SMARCB1: variants seen among roughly 807,000 people sequenced by gnomAD.
SMARCB1 encodes the protein SWI/SNF-related matrix-associated actin-dependent regulator of chromatin subfamily B member 1.
SMARCB1 carries 5 observed loss-of-function variants against 49.0 expected under a neutral mutation model. The ratio of observed to expected loss-of-function variants is 0.10; its 90% confidence interval spans 0.05 to 0.21. The LOEUF (loss-of-function observed/expected upper bound fraction) is 0.21, where lower values mean the gene tolerates loss of function less well. Ranked by LOEUF, SMARCB1 falls within the 10% of genes least tolerant of loss-of-function variation. The pLI is 1.00. For synonymous variants in SMARCB1, 201 were observed against 200.1 expected (o/e 1.00, Z -0.04); for missense variants, 226 against 509.2 (o/e 0.44, Z 5.35).
intron 6 of SMARCB1, among the ~76,000 whole-genome samples, chr22:23,821,009 A>G (rs964238493): frequency 6.6e-6 from 1 of 152,126 alleles, no homozygotes; most frequent in Non-Finnish European, 1.5e-5. Context: ...AATTGAGCCC[A>G]TTTTCATTGT....
Position 23,835,265 on chromosome 22 carries a change from C to T in SMARCB1, c.*1085C>T. The T allele has an allele frequency of 2.7e-6, 3 of 1,104,078 alleles. No individual in the cohort carries two copies. Among genetic ancestry groups the T allele is most frequent in the Non-Finnish European group, 3.3e-6 (3 of 906,596 alleles). The allele number at this position is 1,104,078 out of a possible 1,614,324, so 68.4% of individuals were successfully genotyped here. On this transcript the variant is annotated 3_prime_UTR_variant, in exon 9 of 9. Transcript: ENST00000644036. ...GTGTCCCCATTCTTCAGAATGGACA[C>T]AGGATCTGGGAGGGCAGCAAACTGG...
chr22:23,810,290 G>C (rs1379940763), intron 5 of SMARCB1, among the ~76,000 whole-genome samples: 1 of 151,674 alleles, frequency 6.6e-6, no homozygotes, highest in Non-Finnish European at 1.5e-5. Flanking sequence ...ACTTTGGGAG[G>C]CCAAGGCAGG....
At position 23,836,873 on chromosome 22, in the gene SMARCB1, T is replaced by G; in HGVS notation, c.*2693T>G. On this transcript the variant is annotated 3_prime_UTR_variant, in exon 9 of 9. Transcript: ENST00000644036. Reference sequence around the variant, plus strand: ...AGGCCTGGCCCTGGGTGGGGGTCACTGCTGCGGGGGTGGCAGATGGGGTCC... The same window carrying G: ...AGGCCTGGCCCTGGGTGGGGGTCACGGCTGCGGGGGTGGCAGATGGGGTCC... The G allele has an allele frequency of 6.8e-7, 1 of 1,468,314 alleles. No individual in the cohort carries two copies. Among genetic ancestry groups the G allele is most frequent in the Non-Finnish European group, 9.0e-7 (1 of 1,108,154 alleles). 91.0% of individuals were successfully genotyped at this position (1,468,314 alleles called of 1,614,324 possible). A position where few individuals can be genotyped will look rare whatever the true frequency, so the allele number is the denominator to read the frequency against.
rs372777519 is a variant in SMARCB1, at chr22:23,787,153, C to T, written c.-17C>T. The T allele has an allele frequency of 1.6e-5, 26 of 1,582,096 alleles. No individual in the cohort carries two copies. The East Asian group carries it at 5.7e-4, about 34-fold the overall frequency. ...TCCCTCGCAGCCCGGCTCCGGCCGC[C>T]CGCCTCTGCCGCCGCAATGATGATG... On this transcript the variant is annotated 5_prime_UTR_variant, in exon 1 of 9. Coordinates refer to ENST00000644036, the MANE Select transcript of SMARCB1 (RefSeq NM_003073.5).
intron 1 of SMARCB1, among the ~76,000 whole-genome samples, chr22:23,788,856 A>AT (rs955892752): frequency 2.7e-4 from 40 of 147,354 alleles, no homozygotes; most frequent in African/African-American, 6.0e-4. Context: ...ATTTTCCACC[A>AT]TTTTTTTTTT....
chr22:23,837,257 G>GC lies in SMARCB1; in HGVS notation c.*3081dup. On this transcript the variant is annotated 3_prime_UTR_variant, in exon 9 of 9. Coordinates refer to ENST00000644036, the MANE Select transcript of SMARCB1 (RefSeq NM_003073.5). ...CATCCACAGCCTGGTGGCCCTGCAG[G>GC]CCCCACAGCATGAGTGCCCCAAAGC... 7.0e-7 allele frequency: 1 copy of GC among 1,425,330 alleles called. No homozygotes were observed. The highest frequency in any genetic ancestry group is 9.6e-7 in the Non-Finnish European group (1 of 1,041,864). The allele number at this position is 1,425,330 out of a possible 1,614,324, so 88.3% of individuals were successfully genotyped here. A position where few individuals can be genotyped will look rare whatever the true frequency, so the allele number is the denominator to read the frequency against.
At chr22:23,832,869 CT>C (rs2146039641) in intron 7 of SMARCB1, among the ~76,000 whole-genome samples, 1 of 152,334 alleles carries the variant, frequency 6.6e-6, no homozygotes, top group East Asian at 1.9e-4. Flanking sequence ...CTGCTGTGTC[CT>C]TTTGGCAAGA....
Position 23,787,760 on chromosome 22 carries a change from C to G in SMARCB1, c.93+498C>G, listed in dbSNP as rs369095185. 3.9e-5 allele frequency among the ~76,000 whole-genome samples: 6 copies of G among 152,228 alleles called. No individual in the cohort carries two copies. The East Asian group carries it at 1.2e-3, about 29-fold the overall frequency. ...TGCCTCTTAGGTGAGCAGTGGAGGT[C>G]TTTTGACCTTTGTTTACCGGTGAAG... On this transcript the variant is annotated intron_variant, in intron 1 of 8. Transcript: ENST00000644036.
intron 7 of SMARCB1, among the ~76,000 whole-genome samples, chr22:23,826,463 G>A (rs911299855): frequency 1.3e-5 from 2 of 151,176 alleles, no homozygotes; most frequent in African/African-American, 2.4e-5. Context: ...GAACTCTCCC[G>A]GCTCAGCAGG....
rs2030932452 is a variant in SMARCB1, at chr22:23,835,047, C to T, written c.*867C>T. 1.4e-6 allele frequency: 2 copies of T among 1,404,848 alleles called. No homozygotes were observed. Among genetic ancestry groups the T allele is most frequent in the Admixed American group, 3.0e-5 (1 of 32,802 alleles). The allele number at this position is 1,404,848 out of a possible 1,614,324, so 87.0% of individuals were successfully genotyped here. On this transcript the variant is annotated 3_prime_UTR_variant, in exon 9 of 9. Coordinates refer to ENST00000644036, the MANE Select transcript of SMARCB1 (RefSeq NM_003073.5). ...CCAGGTCAGCTGGGGCCCTTTCCCA[C>T]CCCAGCAGGTGCTGTGGCCTGGGCC...
At chr22:23,827,981 C>A (rs1601437103) in intron 7 of SMARCB1, among the ~76,000 whole-genome samples, 1 of 152,228 alleles carries the variant, frequency 6.6e-6, no homozygotes, top group African/African-American at 2.4e-5. Context: ...CCAGTCAGCC[C>A]ACAGAGAGCT....
intron 7 of SMARCB1, among the ~76,000 whole-genome samples, chr22:23,831,928 G>C (rs2030677543): frequency 6.6e-6 from 1 of 152,172 alleles, no homozygotes. Flanking sequence ...CATTGCCTCT[G>C]GCCCTGCCTC....
chr22:23,830,861 A>G (rs1482810307), intron 7 of SMARCB1, among the ~76,000 whole-genome samples: 1 of 151,962 alleles, frequency 6.6e-6, no homozygotes, highest in Admixed American at 6.6e-5. Flanking sequence ...GGGTTTCACC[A>G]TGTTGGCCAG....
At chr22:23,789,062 C>G (rs1054132287) in intron 1 of SMARCB1, among the ~76,000 whole-genome samples, 1 of 152,188 alleles carries the variant, frequency 6.6e-6, no homozygotes, top group African/African-American at 2.4e-5. Context: ...ATTGTCCAGG[C>G]TGGTCTTAAA....
At chr22:23,813,476 A>G (rs1930000980) in intron 5 of SMARCB1, among the ~76,000 whole-genome samples, 1 of 152,226 alleles carries the variant, frequency 6.6e-6, no homozygotes, top group Non-Finnish European at 1.5e-5. Flanking sequence ...AATCCATTTT[A>G]TTTCTATATG....
Position 23,837,658 on chromosome 22 carries a change from C to T in SMARCB1, c.*3478C>T, listed in dbSNP as rs1261714191. ...CGGACTAGATGTACCGGGAGGCTCA[C>T]CCAGCAGGTCCACGAGGATGGAGTT... On this transcript the variant is annotated 3_prime_UTR_variant, in exon 9 of 9. Transcript: ENST00000644036. 8 of 1,611,714 alleles carry T rather than the reference C, an allele frequency of 5.0e-6. No individual in the cohort carries two copies. The highest frequency in any genetic ancestry group is 5.9e-6 in the Non-Finnish European group (7 of 1,178,530).
chr22:23,834,629 T>C lies in SMARCB1; in HGVS notation c.*449T>C. On this transcript the variant is annotated 3_prime_UTR_variant, in exon 9 of 9. Coordinates refer to ENST00000644036, the MANE Select transcript of SMARCB1 (RefSeq NM_003073.5). ...TGTGAACAAGGTTGGCACACAGGCCTCACCCTCCTCTGCCTCAGATTCCCA... is the reference window on the plus strand; with the variant it reads ...TGTGAACAAGGTTGGCACACAGGCCCCACCCTCCTCTGCCTCAGATTCCCA... The C allele has an allele frequency of 2.5e-6, 2 of 807,526 alleles. No homozygotes were observed. Among genetic ancestry groups the C allele is most frequent in the Non-Finnish European group, 4.0e-6 (2 of 500,450 alleles). 50.0% of individuals were successfully genotyped at this position (807,526 alleles called of 1,614,324 possible). A position where few individuals can be genotyped will look rare whatever the true frequency, so the allele number is the denominator to read the frequency against.
intron 7 of SMARCB1, among the ~76,000 whole-genome samples, chr22:23,832,546 A>G (rs2030709535): frequency 6.6e-6 from 1 of 151,926 alleles, no homozygotes; most frequent in Admixed American, 6.6e-5. Context: ...GACCACAGAG[A>G]GGGGAGGGGA....
chr22:23,793,973 T>C (rs1391366623), intron 3 of SMARCB1, among the ~76,000 whole-genome samples: 1 of 152,122 alleles, frequency 6.6e-6, no homozygotes, highest in African/African-American at 2.4e-5. Flanking sequence ...AGACAGAGTT[T>C]CACTCTTGTT....
Sources: allele counts gnomAD v4.1 joint callset (sites outside exome capture counted in the v4.1 genomes callset), GRCh38; gene constraint gnomAD v4.1.1; transcripts MANE v1.5; gene names NCBI Gene and HGNC (gene_info 2026-07-23, HGNC 2026-07-21).